Variants in CNTN5 observed in about 807,000 individuals in gnomAD.
CNTN5 encodes the protein contactin-5.
In CNTN5, 77 loss-of-function variants were observed where a neutral mutation model predicts 129.1. The observed-to-expected ratio is 0.60, with a 90% CI of 0.50 to 0.72. CNTN5 has a LOEUF of 0.72. Among genes scored for constraint, CNTN5 ranks in the 30% least tolerant of loss-of-function variants. CNTN5 has a pLI of 0.00. For missense variants in CNTN5, 1,478 were observed against 1,328.8 expected (o/e 1.11, Z -1.75); for synonymous variants, 509 against 465.6 (o/e 1.09, Z -1.20).
intron 6 of CNTN5, among the ~76,000 whole-genome samples, chr11:99,891,520 C>G (rs1227493881): frequency 6.6e-6 from 1 of 151,970 alleles, no homozygotes; most frequent in South Asian, 2.1e-4. Context: ...GTAATGTTCC[C>G]CTCTCTGTGT....
chr11:99,676,345 G>A (rs1953282348), intron 3 of CNTN5, among the ~76,000 whole-genome samples: 1 of 152,088 alleles, frequency 6.6e-6, no homozygotes, highest in Non-Finnish European at 1.5e-5. Context: ...GTATCACAGT[G>A]GAGCAATAGA....
At chr11:99,591,337 CTTTTTTT>C (rs10633238) in intron 3 of CNTN5, among the ~76,000 whole-genome samples, 3 of 113,104 alleles carry the variant, frequency 2.7e-5, no homozygotes, top group African/African-American at 9.9e-5. Context: ...TCAACAAAAC[CTTTTTTT>C]TTTTTTTTTT....
At chr11:99,469,141 T>A (rs1262721532) in intron 2 of CNTN5, among the ~76,000 whole-genome samples, 1 of 152,130 alleles carries the variant, frequency 6.6e-6, no homozygotes, top group Non-Finnish European at 1.5e-5. Flanking sequence ...TAAATTCCCA[T>A]ATTCCCATTG....
chr11:99,209,368 C>T (rs1591361645), intron 1 of CNTN5, among the ~76,000 whole-genome samples: 3 of 152,046 alleles, frequency 2.0e-5, no homozygotes, highest in African/African-American at 7.2e-5. Flanking sequence ...CCTCAGGAAG[C>T]TTACGATCAT....
Position 99,257,931 on chromosome 11 carries a change from C to T in CNTN5, c.-209-67415C>T, listed in dbSNP as rs561336689. On this transcript the variant is annotated intron_variant, in intron 1 of 24. Coordinates refer to ENST00000524871, the MANE Select transcript of CNTN5 (RefSeq NM_014361.4). ...TGAAAGAAGTATCATTCCTATTTTA[C>T]GCTTAAGAGACAAGAGGTTGACTCA... 3.4e-4 allele frequency among the ~76,000 whole-genome samples: 52 copies of T among 152,054 alleles called. No homozygotes were observed. In the South Asian group the frequency reaches 9.1e-3, roughly 27 times the overall value.
intron 3 of CNTN5, among the ~76,000 whole-genome samples, chr11:99,617,580 A>G (rs1019720324): frequency 6.6e-6 from 1 of 152,160 alleles, no homozygotes; most frequent in Non-Finnish European, 1.5e-5. Flanking sequence ...ATTTTCCTCA[A>G]TGACAACTTA....
intron 9 of CNTN5, among the ~76,000 whole-genome samples, chr11:100,049,446 G>GA (rs1942848356): frequency 6.6e-6 from 1 of 151,842 alleles, no homozygotes; most frequent in African/African-American, 2.4e-5. Context: ...AAGACAAGAG[G>GA]AAAAAAGATA....
intron 18 of CNTN5, among the ~76,000 whole-genome samples, chr11:100,296,455 C>T (rs538608392): frequency 3.3e-5 from 5 of 151,530 alleles, no homozygotes; most frequent in East Asian, 3.9e-4. Context: ...ATGAATAATC[C>T]TCAGTATGTA....
Position 99,968,656 on chromosome 11 carries a change from C to CTTTTTTTTTTTTTTTTTTTTTTTTTT in CNTN5, c.877+11652_877+11677dup, listed in dbSNP as rs71050037. Among the ~76,000 whole-genome samples, 3 of 73,868 alleles carry CTTTTTTTTTTTTTTTTTTTTTTTTTT rather than the reference C, an allele frequency of 4.1e-5. 1 individual carries two copies. The allele number at this position is 73,868 out of a possible 152,430, so 48.5% of individuals were successfully genotyped here. On this transcript the variant is annotated intron_variant, in intron 8 of 24. Coordinates refer to ENST00000524871, the MANE Select transcript of CNTN5 (RefSeq NM_014361.4). ...ATGGTAATTGGAATAGCTTTGGGTA[C>CTTTTTTTTTTTTTTTTTTTTTTTTTT]TTTTTTTTTTTTTTTTTTTTTTTTT... is the stretch of plus-strand genomic sequence containing the variant.
intron 2 of CNTN5, among the ~76,000 whole-genome samples, chr11:99,362,973 T>G (rs899503272): frequency 5.3e-5 from 8 of 152,142 alleles, no homozygotes; most frequent in African/African-American, 1.9e-4. Context: ...TTATTTTTCT[T>G]TTTCAAGATT....
intron 2 of CNTN5, among the ~76,000 whole-genome samples, chr11:99,408,490 G>GAAAGAAAGAAAGAAAGAAAGAA: frequency 1.4e-5 from 2 of 146,580 alleles, no homozygotes; most frequent in South Asian, 2.3e-4. Context: ...AAGAAAGAAA[G>GAAAGAAAGAAAGAAAGAAAGAA]AAAGAAAGAA....
intron 6 of CNTN5, among the ~76,000 whole-genome samples, chr11:99,850,224 T>G (rs1169121745): frequency 6.6e-6 from 1 of 152,138 alleles, no homozygotes; most frequent in Non-Finnish European, 1.5e-5. Flanking sequence ...ATTTTTTCTT[T>G]TAATAAAACC....
At chr11:99,405,160 T>C (rs1397030876) in intron 2 of CNTN5, among the ~76,000 whole-genome samples, 1 of 152,196 alleles carries the variant, frequency 6.6e-6, no homozygotes, top group Non-Finnish European at 1.5e-5. Flanking sequence ...TTCTTTATTC[T>C]TGACCTTTGG....
chr11:100,121,397 G>A (rs1946017307), intron 13 of CNTN5, among the ~76,000 whole-genome samples: 1 of 151,906 alleles, frequency 6.6e-6, no homozygotes, highest in African/African-American at 2.4e-5. Context: ...ACTCAAGAAA[G>A]GAAATAGAGG....
At chr11:100,302,509 C>A (rs1344516368) in intron 20 of CNTN5, among the ~76,000 whole-genome samples, 1 of 151,570 alleles carries the variant, frequency 6.6e-6, no homozygotes, top group Non-Finnish European at 1.5e-5. Context: ...AGTGAGACTG[C>A]CTTACTATTT....
At chr11:99,089,768 T>C (rs1866163306) in intron 1 of CNTN5, among the ~76,000 whole-genome samples, 1 of 152,198 alleles carries the variant, frequency 6.6e-6, no homozygotes, top group South Asian at 2.1e-4. Flanking sequence ...ATCCATACCA[T>C]AAATATTTCA....
chr11:99,290,736 T>C (rs1033750708), intron 1 of CNTN5, among the ~76,000 whole-genome samples: 4 of 151,850 alleles, frequency 2.6e-5, no homozygotes, highest in Admixed American at 6.6e-5. Flanking sequence ...TCAGAGTCCA[T>C]CTTTTGTATA....
At chr11:99,437,046 A>G (rs1565581098) in intron 2 of CNTN5, among the ~76,000 whole-genome samples, 1 of 152,212 alleles carries the variant, frequency 6.6e-6, no homozygotes, top group Non-Finnish European at 1.5e-5. Flanking sequence ...TCAGCCTAAT[A>G]GGCATCTCAC....
At chr11:99,831,734 A>G (rs1947146915) in intron 4 of CNTN5, among the ~76,000 whole-genome samples, 1 of 152,148 alleles carries the variant, frequency 6.6e-6, no homozygotes, top group Non-Finnish European at 1.5e-5. Flanking sequence ...TCACAATGTG[A>G]TCGAGAAGTG....
Sources: allele counts gnomAD v4.1 joint callset (sites outside exome capture counted in the v4.1 genomes callset), GRCh38; gene constraint gnomAD v4.1.1; transcripts MANE v1.5; gene names NCBI Gene and HGNC (gene_info 2026-07-23, HGNC 2026-07-21).